Variants in NCOA2 observed in about 807,000 individuals in gnomAD.
NCOA2 encodes nuclear receptor coactivator 2, also known as class E basic helix-loop-helix protein 75.
A neutral mutation model predicts 145.1 loss-of-function variants in NCOA2; 21 were observed. The observed-to-expected ratio is 0.14, with a 90% CI of 0.10 to 0.21. The LOEUF is 0.21. Ranked by LOEUF, NCOA2 falls within the 10% of genes least tolerant of loss-of-function variation. The pLI, the probability that NCOA2 is intolerant of heterozygous loss-of-function variation, is 1.00. For synonymous variants in NCOA2, 619 were observed against 637.5 expected, an observed-to-expected ratio of 0.97 and a Z score of 0.44; for missense variants, 1,472 against 1,837.6, an observed-to-expected ratio of 0.80 and a Z score of 3.64.
intron 2 of NCOA2, among the ~76,000 whole-genome samples, chr8:70,278,412 A>C (rs1223868660): frequency 6.6e-6 from 1 of 152,158 alleles, no homozygotes; most frequent in Non-Finnish European, 1.5e-5. Flanking sequence ...TCTACTAACT[A>C]GTTTATGGTA....
intron 19 of NCOA2, among the ~76,000 whole-genome samples, chr8:70,126,091 G>A (rs1329482264): frequency 6.6e-6 from 1 of 152,198 alleles, no homozygotes; most frequent in African/African-American, 2.4e-5. Flanking sequence ...AGACTTCACA[G>A]TTATTTACAG....
rs185873175 is a variant in NCOA2 at position 70,291,606 on chromosome 8, G to C, written c.-20+5138C>G. 1.4e-4 allele frequency among the ~76,000 whole-genome samples: 22 copies of C among 152,290 alleles called. No individual in the cohort carries two copies. In the East Asian group the frequency reaches 3.7e-3, roughly 25 times the overall value. On this transcript the variant is annotated intron_variant, in intron 2 of 22. Coordinates refer to ENST00000452400, the MANE Select transcript of NCOA2 (RefSeq NM_006540.4). Reference sequence around the variant, plus strand: ...ATGAAGACAGCAATGCCATCATGCAGAATGAAGATTGCCTGGACTGTGATT... The same window carrying C: ...ATGAAGACAGCAATGCCATCATGCACAATGAAGATTGCCTGGACTGTGATT...
chr8:70,431,422 T>G, the NCOA2 span, among the ~76,000 whole-genome samples: 1 of 152,160 alleles, frequency 6.6e-6, no homozygotes, highest in South Asian at 2.1e-4. Context: ...AAAACAAAAA[T>G]AGACCCAACT....
At chr8:70,266,196 T>C (rs528001332) in intron 2 of NCOA2, among the ~76,000 whole-genome samples, 1 of 152,286 alleles carries the variant, frequency 6.6e-6, no homozygotes, top group East Asian at 1.9e-4. Flanking sequence ...GGAGTCTTGT[T>C]CTGTCACCGA....
Position 70,350,270 on chromosome 8 carries a change from T to C in NCOA2, c.-77+53430A>G, listed in dbSNP as rs189044991. 5.0e-3 allele frequency among the ~76,000 whole-genome samples: 757 copies of C among 152,270 alleles called. 5 individuals are homozygous for C. The highest frequency in any genetic ancestry group is 0.017 in the African/African-American group (725 of 41,558). On this transcript the variant is annotated intron_variant, in intron 1 of 22. Transcript: ENST00000452400. ...TCCTGACTTTAACTAAATTCAAGAC[T>C]CCTCAGTTAATAATTATAATTCATG...
chr8:70,363,516 A>C (rs1156446251), intron 1 of NCOA2, among the ~76,000 whole-genome samples: 1 of 152,194 alleles, frequency 6.6e-6, no homozygotes, highest in Non-Finnish European at 1.5e-5. Flanking sequence ...CTTTATTCAT[A>C]ATTGCTAGAA....
intron 1 of NCOA2, among the ~76,000 whole-genome samples, chr8:70,310,540 G>A (rs1202925249): frequency 2.6e-5 from 4 of 151,974 alleles, no homozygotes; most frequent in African/African-American, 4.8e-5. Context: ...CAAGGCATGC[G>A]TAATGAATTC....
At chr8:70,378,236 G>T (rs1310602664) in intron 1 of NCOA2, among the ~76,000 whole-genome samples, 1 of 152,102 alleles carries the variant, frequency 6.6e-6, no homozygotes, top group East Asian at 1.9e-4. Flanking sequence ...ATGAAGCCAG[G>T]AGTCTGAGAC....
the NCOA2 span, among the ~76,000 whole-genome samples, chr8:70,453,232 C>T: frequency 6.6e-6 from 1 of 152,194 alleles, no homozygotes; most frequent in South Asian, 2.1e-4. Context: ...CTTCCCTAGT[C>T]CTTGCTATCT....
chr8:70,370,093 C>T (rs1166399182), intron 1 of NCOA2, among the ~76,000 whole-genome samples: 1 of 151,968 alleles, frequency 6.6e-6, no homozygotes, highest in African/African-American at 2.4e-5. Flanking sequence ...GCCATCTTGC[C>T]CAGCTGGTCT....
chr8:70,148,478 G>A lies in NCOA2; in HGVS notation c.2400C>T (p.Gly800=). 1 of 1,612,758 alleles carries A rather than the reference G, an allele frequency of 6.2e-7. No homozygotes were observed. Residue 800 remains glycine, a synonymous_variant, in exon 12 of 23, where the codon GGC becomes GGT. Transcript: ENST00000452400. The part of the protein sequence containing the change: ...EMSFEPGDQP[G]SELDNLEEIL... ...TCTCCTCCAAGTTGTCCAGCTCACTGCCAGGCTGTAGTTGACAAACAGAAG... is the reference window on the plus strand; with the variant it reads ...TCTCCTCCAAGTTGTCCAGCTCACTACCAGGCTGTAGTTGACAAACAGAAG...
At chr8:70,296,472 G>A (rs749948135) in intron 2 of NCOA2, among the ~76,000 whole-genome samples, 5 of 152,068 alleles carry the variant, frequency 3.3e-5, no homozygotes, top group Admixed American at 6.6e-5. Context: ...AGAATAAACT[G>A]TAATCAACTC....
rs1263836446 is a variant in NCOA2 at position 70,113,435 on chromosome 8, A to G, written c.*197T>C. On this transcript the variant is annotated 3_prime_UTR_variant, in exon 23 of 23. Transcript: ENST00000452400. ...GCGACTGTCTGGATGCGAGCTTCAG[A>G]CTGTCAAGAGAAGAGGCAGCTCCTC... 1 of 608,712 alleles carries G rather than the reference A, an allele frequency of 1.6e-6. No individual in the cohort carries two copies. The highest frequency in any genetic ancestry group is 2.7e-5 in the East Asian group (1 of 36,372). The allele number at this position is 608,712 out of a possible 1,614,324, so 37.7% of individuals were successfully genotyped here.
At chr8:70,349,170 A>G (rs1452220502) in intron 1 of NCOA2, among the ~76,000 whole-genome samples, 1 of 152,128 alleles carries the variant, frequency 6.6e-6, no homozygotes, top group East Asian at 1.9e-4. Flanking sequence ...GAGTAACAGT[A>G]TAGTCCCTAC....
chr8:70,256,167 G>A (rs1310269764), intron 2 of NCOA2, among the ~76,000 whole-genome samples: 1 of 152,118 alleles, frequency 6.6e-6, no homozygotes. Flanking sequence ...TTTCCAGATT[G>A]GCCAGCCACT....
intron 4 of NCOA2, among the ~76,000 whole-genome samples, chr8:70,196,700 A>G (rs1817350527): frequency 6.6e-6 from 1 of 152,240 alleles, no homozygotes; most frequent in Non-Finnish European, 1.5e-5. Flanking sequence ...CACAGCAATA[A>G]CTATTACAAA....
At chr8:70,247,529 A>C (rs1200366474) in intron 2 of NCOA2, among the ~76,000 whole-genome samples, 2 of 152,218 alleles carry the variant, frequency 1.3e-5, no homozygotes, top group African/African-American at 4.8e-5. Flanking sequence ...TAAAATCAAT[A>C]ATCAGCCAAG....
In NCOA2 at chr8:70,179,733, TA is replaced by T. The variant is rs201865279; in HGVS notation, c.260-4875del. On this transcript the variant is annotated intron_variant, in intron 4 of 22. Coordinates refer to ENST00000452400, the MANE Select transcript of NCOA2 (RefSeq NM_006540.4). ...ATTCTGTTACAAAAATATCCTTCAG[TA>T]AACTCAACAGTAGAAAGCTCGTCTC... 9.3e-3 allele frequency among the ~76,000 whole-genome samples: 1,413 copies of T among 152,334 alleles called. 21 individuals carry two copies. The highest frequency in any genetic ancestry group is 0.032 in the African/African-American group (1,316 of 41,576).
At chr8:70,359,815 C>T (rs1328738722) in intron 1 of NCOA2, among the ~76,000 whole-genome samples, 2 of 152,142 alleles carry the variant, frequency 1.3e-5, no homozygotes, top group African/African-American at 4.8e-5. Context: ...AGGACAAATT[C>T]TTCTAATAAA....
Sources: allele counts gnomAD v4.1 joint callset (sites outside exome capture counted in the v4.1 genomes callset), GRCh38; gene constraint gnomAD v4.1.1; transcripts MANE v1.5; gene names NCBI Gene and HGNC (gene_info 2026-07-23, HGNC 2026-07-21).